ABHD17B: variants seen among roughly 807,000 people sequenced by gnomAD.
The protein encoded by ABHD17B is abhydrolase domain containing 17B, depalmitoylase.
In ABHD17B, 9 loss-of-function variants were observed where a neutral mutation model predicts 26.2. The observed-to-expected ratio is 0.34, with a 90% CI of 0.21 to 0.60. The LOEUF is 0.60. ABHD17B is among the 20% of genes least tolerant of loss of function. The probability of loss-of-function intolerance (pLI) is 0.80; values close to 1 mark genes in which losing one functional copy is unlikely to be tolerated. For missense variants in ABHD17B, 224 were observed against 352.1 expected, an observed-to-expected ratio of 0.64 and a Z score of 2.91; for synonymous variants, 127 against 122.3, an observed-to-expected ratio of 1.04 and a Z score of -0.25.
intron 1 of ABHD17B, among the ~76,000 whole-genome samples, chr9:71,896,691 C>CACAA (rs2132191889): frequency 6.6e-6 from 1 of 151,702 alleles, no homozygotes; most frequent in Non-Finnish European, 1.5e-5. Flanking sequence ...AACACACACA[C>CACAA]ACACACACAC....
intron 3 of ABHD17B, 51 bp downstream of exon 3, chr9:71,870,032 A>T: frequency 1.4e-5 from 21 of 1,518,270 alleles, no homozygotes; most frequent in Non-Finnish European, 1.8e-5. Flanking sequence ...TAAATGATGA[A>T]AAAATTCCCA....
intron 1 of ABHD17B, among the ~76,000 whole-genome samples, chr9:71,905,094 T>A (rs1320887764): frequency 6.6e-6 from 1 of 151,938 alleles, no homozygotes; most frequent in Non-Finnish European, 1.5e-5. Context: ...ATATTTAAAG[T>A]GAAAATGCAT....
intron 1 of ABHD17B, among the ~76,000 whole-genome samples, chr9:71,883,318 A>G (rs1329012718): frequency 6.6e-6 from 1 of 152,238 alleles, no homozygotes; most frequent in African/African-American, 2.4e-5. Flanking sequence ...CACACTGCAC[A>G]AAGTCCAAGT....
chr9:71,899,120 A>AG (rs1363729138), intron 1 of ABHD17B, among the ~76,000 whole-genome samples: 2 of 151,572 alleles, frequency 1.3e-5, no homozygotes, highest in African/African-American at 4.9e-5. Flanking sequence ...CAAGACTCTC[A>AG]GGGAAAAAAA....
chr9:71,875,016 A>C lies in ABHD17B; in HGVS notation c.65T>G (p.Ile22Ser). 6.2e-7 allele frequency: 1 copy of C among 1,614,104 alleles called. No individual in the cohort carries two copies. The highest frequency in any genetic ancestry group is 8.5e-7 in the Non-Finnish European group (1 of 1,180,020). Residue 22 changes from isoleucine to serine, a missense_variant, in exon 2 of 4, where the codon ATT becomes AGT. Physicochemically the swap from Ile to Ser is moderately radical, Grantham distance 142. Coordinates refer to ENST00000333421, the MANE Select transcript of ABHD17B (RefSeq NM_001025780.3). ...TGGCAAAAACGCTAATTTTGAAGCA[A>C]TCTTCCCTGGACAAGGTGGACAGCA... ...LFCCPPCPGK[I>S]ASKLAFLPPD...
intron 2 of ABHD17B, among the ~76,000 whole-genome samples, chr9:71,873,027 CTACTT>C (rs962317841): frequency 2.0e-5 from 3 of 151,756 alleles, no homozygotes; most frequent in Non-Finnish European, 4.4e-5. Context: ...ATAATATTAA[CTACTT>C]TATTATTAAA....
intron 1 of ABHD17B, among the ~76,000 whole-genome samples, chr9:71,882,264 C>T (rs986683568): frequency 1.3e-5 from 2 of 152,216 alleles, no homozygotes; most frequent in African/African-American, 2.4e-5. Flanking sequence ...GAAAGCAAAA[C>T]CCATGTCCAC....
intron 1 of ABHD17B, among the ~76,000 whole-genome samples, chr9:71,906,043 T>G (rs996279667): frequency 2.6e-5 from 4 of 152,056 alleles, no homozygotes; most frequent in South Asian, 4.1e-4. Flanking sequence ...AGTGAGAATC[T>G]GTCTCAAAAA....
intron 1 of ABHD17B, among the ~76,000 whole-genome samples, chr9:71,890,866 T>C (rs1223541908): frequency 6.6e-6 from 1 of 152,204 alleles, no homozygotes; most frequent in African/African-American, 2.4e-5. Context: ...ACCCCAGTGA[T>C]TTCTGTTTTA....
At chr9:71,862,616 T>C, downstream of ABHD17B, 1 of 1,136,432 alleles carries the variant, frequency 8.8e-7, no homozygotes, top group Middle Eastern at 1.9e-4. Context: ...ACCTGTAAAA[T>C]AAAGGGATTA....
chr9:71,880,673 A>G (rs1191791725), intron 1 of ABHD17B, among the ~76,000 whole-genome samples: 1 of 152,152 alleles, frequency 6.6e-6, no homozygotes, highest in African/African-American at 2.4e-5. Flanking sequence ...ACAACTAAAA[A>G]TAGTTAAAAA....
intron 1 of ABHD17B, 48 bp from the exon 2 acceptor site, chr9:71,875,131 C>T: frequency 1.1e-5 from 16 of 1,423,608 alleles, no homozygotes; most frequent in Non-Finnish European, 1.5e-5. Context: ...TGAATGTAGA[C>T]TCATACAATA....
intron 1 of ABHD17B, among the ~76,000 whole-genome samples, chr9:71,878,238 C>A (rs1028383752): frequency 6.6e-6 from 1 of 151,930 alleles, no homozygotes; most frequent in East Asian, 1.9e-4. Flanking sequence ...ATTGCTTGAG[C>A]AGTTAACAGT....
intron 1 of ABHD17B, among the ~76,000 whole-genome samples, chr9:71,899,418 C>T (rs1000747721): frequency 3.3e-5 from 5 of 152,162 alleles, no homozygotes; most frequent in African/African-American, 1.2e-4. Context: ...GGTGTAAATA[C>T]TTCTTTGTGA....
rs565811422 is a variant in ABHD17B at position 71,888,344 on chromosome 9, G to A, written c.-3-13261C>T. Among the ~76,000 whole-genome samples, 55 of 152,224 alleles carry A rather than the reference G, an allele frequency of 3.6e-4. No homozygotes were observed. In the South Asian group the frequency reaches 0.011, roughly 30 times the overall value. On this transcript the variant is annotated intron_variant, in intron 1 of 3. Transcript: ENST00000333421. ...TTCTCTCCCTAATCATCAGCTTTTG[G>A]CATTTCTATTCTAAGAATCCAAATC...
At chr9:71,884,234 T>C (rs564088170) in intron 1 of ABHD17B, among the ~76,000 whole-genome samples, 5 of 152,216 alleles carry the variant, frequency 3.3e-5, no homozygotes, top group Admixed American at 1.3e-4. Flanking sequence ...TGGAAATCTT[T>C]GTAAACTGCT....
At chr9:71,872,445 T>C (rs1039887525) in intron 2 of ABHD17B, among the ~76,000 whole-genome samples, 1 of 152,150 alleles carries the variant, frequency 6.6e-6, no homozygotes, top group Admixed American at 6.5e-5. Context: ...AACAGTAAAG[T>C]TGACCACTTA....
intron 2 of ABHD17B, among the ~76,000 whole-genome samples, chr9:71,871,828 C>T (rs1166017631): frequency 6.6e-6 from 1 of 152,120 alleles, no homozygotes; most frequent in Non-Finnish European, 1.5e-5. Context: ...ACCTCTGAAG[C>T]ACACAGATGA....
intron 1 of ABHD17B, among the ~76,000 whole-genome samples, chr9:71,876,718 G>A (rs112157456): frequency 4.6e-5 from 7 of 151,828 alleles, no homozygotes; most frequent in African/African-American, 1.7e-4. Flanking sequence ...GAATATCTGG[G>A]GGAAAAAATG....
Sources: gnomAD v4.1 joint callset for allele counts (sites outside exome capture counted in the v4.1 genomes callset) on GRCh38, gnomAD v4.1.1 for gene constraint, MANE v1.5 for transcripts, NCBI Gene and HGNC (gene_info 2026-07-23, HGNC 2026-07-21) for gene names.